The following WLS variants were observed in gnomAD, a reference collection of about 807,000 sequenced individuals.
WLS encodes the protein Wnt ligand secretion mediator.
A neutral mutation model predicts 62.8 loss-of-function variants in WLS; 23 were observed. That is an observed-to-expected ratio of 0.37 (90% CI 0.26 to 0.52). The LOEUF is 0.52. WLS is among the 20% of genes least tolerant of loss of function. The probability of loss-of-function intolerance (pLI) is 0.92; values close to 1 mark genes in which losing one functional copy is unlikely to be tolerated. For synonymous variants in WLS, 246 were observed against 244.1 expected (o/e 1.01, Z -0.07); for missense variants, 615 against 697.3 (o/e 0.88, Z 1.33).
At chr1:68,168,452 C>T (rs1346088110) in intron 2 of WLS, among the ~76,000 whole-genome samples, 1 of 152,162 alleles carries the variant, frequency 6.6e-6, no homozygotes, top group Non-Finnish European at 1.5e-5. Flanking sequence ...GTGGGAACTA[C>T]TCCCTAAGTC....
Position 68,159,165 on chromosome 1 carries a change from T to A in WLS, c.462A>T (p.Glu154Asp). ...AFAEWTEMAH[E>D]RVPRKLKCTF... Reference sequence around the variant, plus strand: ...TGCATTTGAGTTTCCGTGGTACTCTTTCATGGGCCATTTCAGTCCACTCAG... The same window carrying A: ...TGCATTTGAGTTTCCGTGGTACTCTATCATGGGCCATTTCAGTCCACTCAG... Residue 154 changes from glutamate to aspartate, a missense_variant, in exon 3 of 12, where the codon GAA becomes GAT. Physicochemically the swap from Glu to Asp is conservative, Grantham distance 45 (BLOSUM62 2). Coordinates refer to ENST00000262348, the MANE Select transcript of WLS (RefSeq NM_024911.7). 2 of 1,614,120 alleles carry A rather than the reference T, an allele frequency of 1.2e-6. No individual in the cohort carries two copies. The highest frequency in any genetic ancestry group is 1.7e-6 in the Non-Finnish European group (2 of 1,180,004).
intron 11 of WLS, among the ~76,000 whole-genome samples, chr1:68,136,394 T>C (rs1288062808): frequency 6.6e-6 from 1 of 152,160 alleles, no homozygotes; most frequent in Non-Finnish European, 1.5e-5. Flanking sequence ...ATAAATGTCA[T>C]GTGGAAAGTA....
chr1:68,122,816 C>G (rs1422494618), downstream of WLS, among the ~76,000 whole-genome samples: 1 of 152,192 alleles, frequency 6.6e-6, no homozygotes, highest in Non-Finnish European at 1.5e-5. Flanking sequence ...TAGTGAAACT[C>G]CAACACCCAC....
chr1:68,203,257 G>A (rs1649123987), intron 1 of WLS, among the ~76,000 whole-genome samples: 1 of 152,208 alleles, frequency 6.6e-6, no homozygotes, highest in Non-Finnish European at 1.5e-5. Context: ...TCAGTAAATA[G>A]AGTTAGGACT....
At chr1:68,149,892 A>G (rs1399224891) in intron 6 of WLS, among the ~76,000 whole-genome samples, 1 of 152,224 alleles carries the variant, frequency 6.6e-6, no homozygotes, top group Non-Finnish European at 1.5e-5. Flanking sequence ...AGTTACTCAC[A>G]TTCTGTCATT....
chr1:68,137,769 C>A lies in WLS; in HGVS notation c.1516+11G>T. 3 of 1,612,956 alleles carry A rather than the reference C, an allele frequency of 1.9e-6. No individual in the cohort carries two copies. Among genetic ancestry groups the A allele is most frequent in the Non-Finnish European group, 2.5e-6 (3 of 1,179,446 alleles). ...CCTGACTTAAGCTGTTCTAAAGAGA[C>A]AGAAACTCACCATTGGACTGGTCTT... On this transcript the variant is annotated intron_variant, in intron 11 of 11. Transcript: ENST00000262348.
At chr1:68,198,227 C>T (rs960532409) in intron 1 of WLS, among the ~76,000 whole-genome samples, 3 of 152,194 alleles carry the variant, frequency 2.0e-5, no homozygotes, top group African/African-American at 7.2e-5. Flanking sequence ...TATGCCTAGT[C>T]ACTGTAAACT....
At chr1:68,206,548 T>C (rs1649288484) in intron 1 of WLS, among the ~76,000 whole-genome samples, 1 of 152,204 alleles carries the variant, frequency 6.6e-6, no homozygotes, top group South Asian at 2.1e-4. Context: ...GTTATCATTA[T>C]TATTCTATGG....
intron 11 of WLS, among the ~76,000 whole-genome samples, chr1:68,102,014 T>C (rs1047827274): frequency 6.6e-6 from 1 of 152,178 alleles, no homozygotes; most frequent in Admixed American, 6.5e-5. Context: ...ATACCTTCGT[T>C]ATAGCTGCTG....
intron 2 of WLS, chr1:68,183,569 G>A: frequency 1.9e-6 from 1 of 532,510 alleles, no homozygotes; most frequent in South Asian, 1.4e-5. Flanking sequence ...AGGATTCTTT[G>A]ACTTTCATCC....
intron 1 of WLS, among the ~76,000 whole-genome samples, chr1:68,210,262 C>G (rs757110994): frequency 1.8e-4 from 27 of 152,152 alleles, no homozygotes; most frequent in Non-Finnish European, 3.8e-4. Flanking sequence ...CAGAAAGGGA[C>G]AGCAAGTATG....
At chr1:68,185,774 C>G (rs1455847973) in intron 2 of WLS, among the ~76,000 whole-genome samples, 1 of 152,202 alleles carries the variant, frequency 6.6e-6, no homozygotes, top group Non-Finnish European at 1.5e-5. Context: ...CTCTAGGGTG[C>G]CATGCTCCGG....
chr1:68,106,677 C>T (rs1646148367), intron 11 of WLS, among the ~76,000 whole-genome samples: 1 of 151,864 alleles, frequency 6.6e-6, no homozygotes, highest in Non-Finnish European at 1.5e-5. Context: ...ACTTCCCCAC[C>T]CAAGGGGCAC....
rs753958149 is a variant in WLS, at chr1:68,153,567, C to T, written c.753G>A (p.Trp251Ter). The change falls in exon 5 of 12, where the codon TGG (tryptophan) becomes TGA (stop). Residue 251 changes from tryptophan (W) to a stop codon, truncating the protein, a stop_gained. Coordinates refer to ENST00000262348, the MANE Select transcript of WLS (RefSeq NM_024911.7). LOFTEE classifies it high-confidence loss of function. ...LTPSIFIIMV[W>*]YWRRITMMSR... ...ACATCATGGTGATCCTCCTCCAATA[C>T]CACACCATAATGATGAAGATGCTGG... The T allele has an allele frequency of 6.2e-7, 1 of 1,614,056 alleles. No individual in the cohort carries two copies. Among genetic ancestry groups the T allele is most frequent in the East Asian group, 2.2e-5 (1 of 44,886 alleles).
rs191004673 is a variant in WLS at position 68,159,417 on chromosome 1, A to C, written c.380-170T>G. 1.2e-4 allele frequency among the ~76,000 whole-genome samples: 19 copies of C among 152,304 alleles called. No homozygotes were observed. In the East Asian group the frequency reaches 3.5e-3, roughly 28 times the overall value. ...CTTAGAAGTCATAGGATGAAAGTCT[A>C]AGCCAAATGCTGGGTCCCCTCTCAT... is the stretch of plus-strand genomic sequence containing the variant. On this transcript the variant is annotated intron_variant, in intron 2 of 11. Coordinates refer to ENST00000262348, the MANE Select transcript of WLS (RefSeq NM_024911.7).
chr1:68,126,232 C>G lies in WLS; in HGVS notation c.1620G>C (p.Gln540His). The change falls in exon 12 of 12, where the codon CAG becomes CAC. Residue 540 changes from glutamine (Q) to histidine (H), a missense_variant. Transcript: ENST00000262348. ...AGCCGGGCGCTGCAGCCTCCTACTC[C>G]TGGGCCTCCTTGCGGGTCAACTTGT... The part of the protein sequence containing the change: ...EIYKLTRKEA[Q>H]E The G allele has an allele frequency of 6.2e-7, 1 of 1,614,168 alleles. No individual in the cohort carries two copies. The highest frequency in any genetic ancestry group is 1.3e-5 in the African/African-American group (1 of 75,046).
downstream of WLS, among the ~76,000 whole-genome samples, chr1:68,125,047 G>GCTAT (rs1646409214): frequency 6.6e-6 from 1 of 152,142 alleles, no homozygotes; most frequent in South Asian, 2.1e-4. Context: ...CCTTCTCTCG[G>GCTAT]CTATCTCCAG....
chr1:68,101,950 C>T (rs1646084386), intron 11 of WLS, among the ~76,000 whole-genome samples: 1 of 152,156 alleles, frequency 6.6e-6, no homozygotes, highest in African/African-American at 2.4e-5. Flanking sequence ...AAATATCTTA[C>T]TGTTGATTTT....
downstream of WLS, chr1:68,125,220 T>C: frequency 2.5e-6 from 2 of 789,772 alleles, no homozygotes; most frequent in Non-Finnish European, 3.1e-6. Context: ...ACAGAAAATG[T>C]CACTCTTTCT....
Sources: allele counts gnomAD v4.1 joint callset (sites outside exome capture counted in the v4.1 genomes callset), GRCh38; gene constraint gnomAD v4.1.1; transcripts MANE v1.5; gene names NCBI Gene and HGNC (gene_info 2026-07-23, HGNC 2026-07-21).